The following ZCCHC10 variants were observed in gnomAD, a reference collection of about 807,000 sequenced individuals.
ZCCHC10 encodes zinc finger CCHC-type containing 10, also known as zinc finger CCHC domain-containing protein 10.
ZCCHC10 carries 16 observed loss-of-function variants against 19.5 expected under a neutral mutation model. The observed-to-expected ratio is 0.82, with a 90% CI of 0.56 to 1.25. ZCCHC10 has a LOEUF of 1.25. Ranked by LOEUF, ZCCHC10 falls within the 50% of genes most tolerant of loss-of-function variation. ZCCHC10 has a pLI of 0.00. For synonymous variants in ZCCHC10, 67 were observed against 72.5 expected, an observed-to-expected ratio of 0.92 and a Z score of 0.38; for missense variants, 197 against 201.0, an observed-to-expected ratio of 0.98 and a Z score of 0.12.
chr5:133,004,321 T>C (rs991249412), intron 3 of ZCCHC10, among the ~76,000 whole-genome samples: 12 of 151,928 alleles, frequency 7.9e-5, no homozygotes, highest in Non-Finnish European at 1.3e-4. Flanking sequence ...ATTATGGGCA[T>C]GCGCCACCAC....
At chr5:133,025,525 A>AAAAAAAAG (rs1764636951) in intron 1 of ZCCHC10, among the ~76,000 whole-genome samples, 1 of 124,828 alleles carries the variant, frequency 8.0e-6, no homozygotes, top group Non-Finnish European at 1.6e-5. Flanking sequence ...AAAAAAAAAA[A>AAAAAAAAG]AAAAAAAAGA....
intron 2 of ZCCHC10, among the ~76,000 whole-genome samples, chr5:133,017,675 A>G (rs1764014096): frequency 6.6e-6 from 1 of 152,152 alleles, no homozygotes; most frequent in South Asian, 2.1e-4. Flanking sequence ...TGGCAGCATG[A>G]TTTGCAGTAT....
intron 3 of ZCCHC10, chr5:133,003,114 A>C (rs907150274): frequency 1.3e-4 from 38 of 293,986 alleles, no homozygotes; most frequent in Admixed American, 7.2e-5. Flanking sequence ...CTTCTGCTGC[A>C]AACATTCTCC....
At chr5:133,025,932 T>C (rs1021747787) in intron 1 of ZCCHC10, among the ~76,000 whole-genome samples, 1 of 152,204 alleles carries the variant, frequency 6.6e-6, no homozygotes, top group African/African-American at 2.4e-5. Context: ...ACACCTCTAT[T>C]TATACCCAAT....
At chr5:133,020,905 T>C (rs1764262905) in intron 2 of ZCCHC10, among the ~76,000 whole-genome samples, 1 of 147,144 alleles carries the variant, frequency 6.8e-6, no homozygotes, top group South Asian at 2.2e-4. Flanking sequence ...TATTTATTAT[T>C]TTTTTTTTCT....
At chr5:133,004,178 C>CTTT (rs111850766) in intron 3 of ZCCHC10, among the ~76,000 whole-genome samples, 1 of 142,930 alleles carries the variant, frequency 7.0e-6, no homozygotes, top group Non-Finnish European at 1.5e-5. Context: ...TTTTTAATTT[C>CTTT]TTTTTTTTTT....
At chr5:133,016,603 C>T (rs1251519770) in intron 2 of ZCCHC10, among the ~76,000 whole-genome samples, 3 of 151,924 alleles carry the variant, frequency 2.0e-5, no homozygotes, top group African/African-American at 7.3e-5. Flanking sequence ...CCACCACACC[C>T]GGCTAATTTT....
chr5:133,022,672 C>T (rs973446562), intron 2 of ZCCHC10, among the ~76,000 whole-genome samples, 169 bp downstream of exon 2: 2 of 151,240 alleles, frequency 1.3e-5, no homozygotes, highest in African/African-American at 2.5e-5. Context: ...AGGATGGTCT[C>T]GATCTCTTGA....
intron 2 of ZCCHC10, among the ~76,000 whole-genome samples, chr5:133,019,618 T>C (rs1256520785): frequency 1.3e-5 from 2 of 152,092 alleles, no homozygotes; most frequent in African/African-American, 4.8e-5. Context: ...GTGGCACAAA[T>C]TTTTCAAAGG....
intron 3 of ZCCHC10, 21 bp downstream of exon 3, chr5:133,006,738 G>T: frequency 6.3e-7 from 1 of 1,574,932 alleles, no homozygotes; most frequent in Non-Finnish European, 8.6e-7. Flanking sequence ...ATATTCCTTT[G>T]GATACCACAT....
intron 2 of ZCCHC10, among the ~76,000 whole-genome samples, chr5:133,015,927 T>A (rs916782635): frequency 6.6e-6 from 1 of 152,250 alleles, no homozygotes. Context: ...GTTCCTTTAT[T>A]CATGAGTGTG....
At chr5:133,020,339 G>A (rs1764216975) in intron 2 of ZCCHC10, among the ~76,000 whole-genome samples, 1 of 152,014 alleles carries the variant, frequency 6.6e-6, no homozygotes, top group African/African-American at 2.4e-5. Context: ...AGCTACTTGG[G>A]AGGCTGAGGC....
At chr5:132,998,917 ATT>A in intron 4 of ZCCHC10, 67 bp from the exon 5 acceptor site, 3 of 1,441,314 alleles carry the variant, frequency 2.1e-6, no homozygotes, top group Non-Finnish European at 2.8e-6. Flanking sequence ...AAGCAATTTC[ATT>A]TTTTTTTTCT....
At chr5:133,018,023 T>C (rs1764036329) in intron 2 of ZCCHC10, among the ~76,000 whole-genome samples, 1 of 151,858 alleles carries the variant, frequency 6.6e-6, no homozygotes. Context: ...CACATGCCTG[T>C]AGTCCCAACT....
intron 2 of ZCCHC10, among the ~76,000 whole-genome samples, chr5:133,007,161 T>A (rs185716716): frequency 3.9e-5 from 6 of 152,198 alleles, no homozygotes; most frequent in Admixed American, 1.3e-4. Context: ...AGAAACCTGG[T>A]GGGAGGTAAC....
At chr5:133,024,781 T>C (rs1001383606) in intron 1 of ZCCHC10, among the ~76,000 whole-genome samples, 3 of 152,088 alleles carry the variant, frequency 2.0e-5, no homozygotes, top group Non-Finnish European at 4.4e-5. Context: ...CGGACGCCTG[T>C]AGTCCCAGCT....
intron 1 of ZCCHC10, 111 bp from the exon 2 acceptor site, chr5:133,023,017 GT>G: frequency 2.5e-6 from 1 of 397,394 alleles, no homozygotes; most frequent in Non-Finnish European, 4.5e-6. Context: ...AGAAAACAAG[GT>G]TTTTTAACTG....
At position 133,000,150 on chromosome 5, in the gene ZCCHC10, C is replaced by T. The variant is rs1335847482; in HGVS notation, c.293G>A (p.Arg98Lys). The T allele has an allele frequency of 1.9e-6, 3 of 1,613,764 alleles. No individual in the cohort carries two copies. The highest frequency in any genetic ancestry group is 3.3e-4 in the Middle Eastern group (2 of 6,058). Residue 98 changes from arginine (R) to lysine (K), a missense_variant, in exon 4 of 5, where the codon AGA (arginine) becomes AAA (lysine). Physicochemically the swap from Arg to Lys is conservative, Grantham distance 26. Transcript: ENST00000509437. ...QQSIGETNVERKAKKKRSKSV... is the reference protein window; with the variant it reads ...QQSIGETNVEKKAKKKRSKSV... ...CACATACCTTTTTTTCTTGGCCTTT[C>T]TTTCTACATTGGTTTCTCCAATGCT...
At chr5:133,011,119 T>A (rs72801427) in intron 2 of ZCCHC10, among the ~76,000 whole-genome samples, 19,611 of 150,680 alleles carry the variant, frequency 0.13, 1,384 homozygotes, top group Non-Finnish European at 0.16. Flanking sequence ...TTAAAAATAT[T>A]TTTTTTTTCT....
Sources: gnomAD v4.1 joint callset for allele counts (sites outside exome capture counted in the v4.1 genomes callset) on GRCh38, gnomAD v4.1.1 for gene constraint, MANE v1.5 for transcripts, NCBI Gene and HGNC (gene_info 2026-07-23, HGNC 2026-07-21) for gene names.